Variants in CNTN3 observed in about 807,000 individuals in gnomAD.
The protein encoded by CNTN3 is contactin-3.
A neutral mutation model predicts 119.1 loss-of-function variants in CNTN3; 60 were observed. The observed-to-expected ratio is 0.50, with a 90% CI of 0.41 to 0.62. The LOEUF (loss-of-function observed/expected upper bound fraction) is 0.62. CNTN3 is among the 20% of genes least tolerant of loss of function. CNTN3 has a pLI of 0.00. For missense variants in CNTN3, 1,101 were observed against 1,242.4 expected, an observed-to-expected ratio of 0.89 and a Z score of 1.71; for synonymous variants, 450 against 438.7, an observed-to-expected ratio of 1.03 and a Z score of -0.32.
intron 18 of CNTN3, 127 bp from the exon 19 acceptor site, chr3:74,295,363 A>G: frequency 1.8e-6 from 1 of 560,608 alleles, no homozygotes; most frequent in Admixed American, 3.1e-5. Context: ...TTCTGGCACC[A>G]TATGTTGAAA....
chr3:74,595,988 A>C (rs1704801800), intron 1 of CNTN3, among the ~76,000 whole-genome samples: 1 of 151,316 alleles, frequency 6.6e-6, no homozygotes, highest in Admixed American at 6.6e-5. Flanking sequence ...CAACTTCAGC[A>C]AAGTCTCAGG....
chr3:74,576,845 C>T (rs542525130), intron 1 of CNTN3, among the ~76,000 whole-genome samples: 22 of 152,158 alleles, frequency 1.4e-4, no homozygotes, highest in African/African-American at 5.3e-4. Flanking sequence ...AATCGTACTT[C>T]CCTACTGGAA....
chr3:74,447,490 T>C (rs1456105101), intron 4 of CNTN3, among the ~76,000 whole-genome samples: 4 of 152,172 alleles, frequency 2.6e-5, no homozygotes, highest in African/African-American at 4.8e-5. Flanking sequence ...TCTAGCCCAA[T>C]ATGCATTTTT....
intron 1 of CNTN3, among the ~76,000 whole-genome samples, chr3:74,603,691 T>G (rs987264936): frequency 1.3e-5 from 2 of 152,076 alleles, no homozygotes; most frequent in African/African-American, 4.8e-5. Flanking sequence ...TGGAAAGATA[T>G]CCTACGTTTA....
intron 16 of CNTN3, 107 bp from the exon 17 acceptor site, chr3:74,300,045 C>A: frequency 1.7e-6 from 1 of 603,718 alleles, no homozygotes; most frequent in Non-Finnish European, 2.6e-6. Context: ...TCATCATTGG[C>A]ACATGATTCA....
intron 6 of CNTN3, among the ~76,000 whole-genome samples, chr3:74,370,398 T>C (rs1366120537): frequency 6.6e-6 from 1 of 152,134 alleles, no homozygotes; most frequent in Non-Finnish European, 1.5e-5. Flanking sequence ...GTGTATTCAA[T>C]TTTGACATTG....
chr3:74,267,395 A>G lies in CNTN3; in HGVS notation c.2705-17T>C, dbSNP rs764714689. 4 of 1,546,368 alleles carry G rather than the reference A, an allele frequency of 2.6e-6. No homozygotes were observed. Among genetic ancestry groups the G allele is most frequent in the Non-Finnish European group, 2.7e-6 (3 of 1,118,704 alleles). On this transcript the variant is annotated splice_polypyrimidine_tract_variant and intron_variant, in intron 20 of 22. Coordinates refer to ENST00000263665, the MANE Select transcript of CNTN3 (RefSeq NM_020872.3). ...GACTGGGAGCTTGAAATGCAAAATGAGAAATTTTAAAACAGATCGAAGTAC... is the reference window on the plus strand; with the variant it reads ...GACTGGGAGCTTGAAATGCAAAATGGGAAATTTTAAAACAGATCGAAGTAC...
rs534910382 is a variant in CNTN3 at position 74,552,576 on chromosome 3, T to G, written c.-80-31384A>C. 5.9e-5 allele frequency among the ~76,000 whole-genome samples: 9 copies of G among 152,320 alleles called. No homozygotes were observed. The South Asian group carries it at 1.9e-3, about 32-fold the overall frequency. On this transcript the variant is annotated intron_variant, in intron 1 of 22. Transcript: ENST00000263665. ...GATGCTGAGCATCTTTTCATACACTTATTTTCAATCTGTAATATCTTTTTT... is the reference window on the plus strand; with the variant it reads ...GATGCTGAGCATCTTTTCATACACTGATTTTCAATCTGTAATATCTTTTTT...
At chr3:74,588,085 C>G (rs916908820) in intron 1 of CNTN3, among the ~76,000 whole-genome samples, 4 of 152,058 alleles carry the variant, frequency 2.6e-5, no homozygotes, top group African/African-American at 9.7e-5. Flanking sequence ...TGTTTATATG[C>G]TGGATTACAT....
At chr3:74,396,480 A>C (rs1705057670) in intron 5 of CNTN3, among the ~76,000 whole-genome samples, 2 of 152,282 alleles carry the variant, frequency 1.3e-5, no homozygotes, top group Middle Eastern at 3.4e-3. Context: ...TCAACTTTAT[A>C]AAAGCTGGGA....
chr3:74,503,316 C>T (rs1277204502), intron 2 of CNTN3, among the ~76,000 whole-genome samples: 2 of 152,106 alleles, frequency 1.3e-5, no homozygotes, highest in African/African-American at 4.8e-5. Context: ...GCCTATGAGG[C>T]ACATATCTGC....
chr3:74,303,721 T>C (rs766854743), intron 13 of CNTN3, among the ~76,000 whole-genome samples: 2 of 152,084 alleles, frequency 1.3e-5, no homozygotes, highest in African/African-American at 2.4e-5. Context: ...TAAATAATAA[T>C]AACAGCTGTC....
intron 4 of CNTN3, among the ~76,000 whole-genome samples, chr3:74,442,494 C>G (rs1248227554): frequency 1.3e-5 from 2 of 152,170 alleles, no homozygotes; most frequent in Non-Finnish European, 2.9e-5. Context: ...CTTTTAAGGT[C>G]TAGCACGTTT....
At chr3:74,477,831 C>T (rs1702686981) in intron 4 of CNTN3, among the ~76,000 whole-genome samples, 1 of 151,274 alleles carries the variant, frequency 6.6e-6, no homozygotes, top group Non-Finnish European at 1.5e-5. Flanking sequence ...ACTATGTAGC[C>T]ACAACAATTA....
intron 13 of CNTN3, among the ~76,000 whole-genome samples, chr3:74,328,148 A>G (rs895309717): frequency 2.0e-5 from 3 of 151,872 alleles, no homozygotes; most frequent in Admixed American, 1.3e-4. Context: ...TGTTACTTCA[A>G]TTAATTACAG....
chr3:74,475,025 C>A (rs767065424), intron 4 of CNTN3, among the ~76,000 whole-genome samples: 16 of 152,120 alleles, frequency 1.1e-4, no homozygotes, highest in African/African-American at 2.7e-4. Flanking sequence ...GTACAGCCTG[C>A]AGAACCATAA....
At chr3:74,466,061 T>C (rs954108271) in intron 4 of CNTN3, among the ~76,000 whole-genome samples, 3 of 152,166 alleles carry the variant, frequency 2.0e-5, no homozygotes, top group African/African-American at 4.8e-5. Flanking sequence ...AGTTCTGCAT[T>C]GAGTTTCTAT....
At chr3:74,416,219 T>C (rs1701518031) in intron 5 of CNTN3, among the ~76,000 whole-genome samples, 1 of 152,206 alleles carries the variant, frequency 6.6e-6, no homozygotes, top group Non-Finnish European at 1.5e-5. Context: ...TAGATTTACT[T>C]TTATTTAGAT....
At chr3:74,588,141 C>T (rs564066763) in intron 1 of CNTN3, among the ~76,000 whole-genome samples, 93 of 151,988 alleles carry the variant, frequency 6.1e-4, no homozygotes, top group African/African-American at 2.2e-3. Flanking sequence ...GCCCACTTGA[C>T]CATGGTGGAT....
Sources: allele counts gnomAD v4.1 joint callset (sites outside exome capture counted in the v4.1 genomes callset), GRCh38; gene constraint gnomAD v4.1.1; transcripts MANE v1.5; gene names NCBI Gene and HGNC (gene_info 2026-07-23, HGNC 2026-07-21).